NLGN4Y: variants seen among roughly 807,000 people sequenced by gnomAD.
The protein encoded by NLGN4Y is neuroligin-4, Y-linked.
In NLGN4Y, 4 loss-of-function variants were observed where a neutral mutation model predicts 8.4. The ratio of observed to expected loss-of-function variants is 0.48; its 90% CI spans 0.23 to 1.09. NLGN4Y has a LOEUF of 1.09. Ranked by LOEUF, NLGN4Y falls within the 50% of genes least tolerant of loss-of-function variation. NLGN4Y has a pLI of 0.19. For synonymous variants in NLGN4Y, 35 were observed against 75.6 expected (o/e 0.46, Z 2.78); for missense variants, 90 against 192.3 (o/e 0.47, Z 3.15).
intron 4 of NLGN4Y, among the ~76,000 whole-genome samples, chrY:14,752,795 AT>A (rs2081045445): frequency 6.0e-5 from 2 of 33,591 alleles, no homozygotes; most frequent in African/African-American, 2.3e-4. Context: ...AGTAAAAACA[AT>A]TTTGCTATTC....
chrY:14,815,372 A>C, intron 4 of NLGN4Y, among the ~76,000 whole-genome samples: 1 of 33,070 alleles, frequency 3.0e-5, no homozygotes, highest in Non-Finnish European at 7.4e-5. Context: ...CAAGGGGTCC[A>C]GGGATGAATG....
At chrY:14,635,967 A>G in intron 2 of NLGN4Y, among the ~76,000 whole-genome samples, 2 of 33,137 alleles carry the variant, frequency 6.0e-5, no homozygotes, top group Non-Finnish European at 1.5e-4. Flanking sequence ...TACAGAGTGT[A>G]AACACATGGT....
chrY:14,786,928 C>T (rs868227174), intron 4 of NLGN4Y, among the ~76,000 whole-genome samples: 10 of 31,718 alleles, frequency 3.2e-4, no homozygotes. Context: ...TCCTGCTCCT[C>T]CTCCTCTTCC....
chrY:14,836,137 C>T (rs2150599587), intron 6 of NLGN4Y, among the ~76,000 whole-genome samples: 1 of 33,157 alleles, frequency 3.0e-5, no homozygotes, highest in East Asian at 8.1e-4. Flanking sequence ...GGGATTCTCC[C>T]CTGTAGCAAG....
At chrY:14,527,157 C>T in intron 1 of NLGN4Y, among the ~76,000 whole-genome samples, 2 of 33,503 alleles carry the variant, frequency 6.0e-5, no homozygotes, top group Non-Finnish European at 1.5e-4. Flanking sequence ...AGTGCATGAC[C>T]GAATGACCTT....
chrY:14,643,556 G>A (rs956028862), intron 2 of NLGN4Y, among the ~76,000 whole-genome samples: 9 of 33,149 alleles, frequency 2.7e-4, no homozygotes, highest in African/African-American at 1.1e-3. Context: ...TCCTCCTGGG[G>A]CAATCCTGGA....
chrY:14,715,120 A>C (rs2150551946), intron 2 of NLGN4Y, among the ~76,000 whole-genome samples: 1 of 33,613 alleles, frequency 3.0e-5, no homozygotes, highest in South Asian at 6.8e-4. Context: ...AAAAACTCAG[A>C]AAACAACAGA....
chrY:14,699,208 T>C (rs892906360), intron 2 of NLGN4Y, among the ~76,000 whole-genome samples: 7 of 33,492 alleles, frequency 2.1e-4, no homozygotes, highest in Non-Finnish European at 4.5e-4. Flanking sequence ...CCCAGTATAG[T>C]ATCTAGGTAG....
intron 4 of NLGN4Y, among the ~76,000 whole-genome samples, chrY:14,750,392 T>C: frequency 3.1e-5 from 1 of 32,632 alleles, no homozygotes; most frequent in Non-Finnish European, 7.5e-5. Context: ...GTTAGGGTGG[T>C]CTCAAACTCC....
At chrY:14,594,173 C>T in intron 1 of NLGN4Y, among the ~76,000 whole-genome samples, 1 of 32,711 alleles carries the variant, frequency 3.1e-5, no homozygotes, top group African/African-American at 1.2e-4. Flanking sequence ...GTTAAACATA[C>T]CTGGGGCTCA....
At chrY:14,742,289 G>GT (rs2081008833) in intron 4 of NLGN4Y, among the ~76,000 whole-genome samples, 1 of 32,855 alleles carries the variant, frequency 3.0e-5, no homozygotes, top group South Asian at 6.9e-4. Flanking sequence ...ATCACCCAAT[G>GT]TTTTCTTTCA....
intron 1 of NLGN4Y, among the ~76,000 whole-genome samples, chrY:14,568,588 G>C (rs2080259868): frequency 3.0e-5 from 1 of 33,067 alleles, no homozygotes; most frequent in Non-Finnish European, 7.4e-5. Flanking sequence ...GCTTTATGAC[G>C]ATATGTGGGA....
chrY:14,791,030 A>G (rs2042984052), intron 4 of NLGN4Y, among the ~76,000 whole-genome samples: 1 of 33,803 alleles, frequency 3.0e-5, no homozygotes, highest in Admixed American at 2.7e-4. Flanking sequence ...ATATCTTTCA[A>G]CAGTTATGTT....
chrY:14,830,595 C>T, intron 6 of NLGN4Y, 76 bp downstream of exon 6: 2 of 307,026 alleles, frequency 6.5e-6, no homozygotes, highest in Non-Finnish European at 1.0e-5. Context: ...TTGCTTCTAC[C>T]GGCATGTGCA....
intron 1 of NLGN4Y, among the ~76,000 whole-genome samples, chrY:14,569,929 G>T: frequency 3.0e-5 from 1 of 33,757 alleles, no homozygotes; most frequent in Non-Finnish European, 7.4e-5. Flanking sequence ...CTTATATGTT[G>T]AGAAGTATAT....
chrY:14,759,567 C>T, intron 4 of NLGN4Y, among the ~76,000 whole-genome samples: 1 of 34,513 alleles, frequency 2.9e-5, no homozygotes. Flanking sequence ...CTCGGCCTCC[C>T]AAAGTGCTGG....
intron 4 of NLGN4Y, among the ~76,000 whole-genome samples, chrY:14,817,204 G>A (rs2043105454): frequency 3.0e-5 from 1 of 33,274 alleles, no homozygotes; most frequent in Non-Finnish European, 7.4e-5. Context: ...TTTCATGTAC[G>A]AAGGCTTAAG....
chrY:14,551,953 G>C (rs2080194658), intron 1 of NLGN4Y, among the ~76,000 whole-genome samples: 1 of 33,508 alleles, frequency 3.0e-5, no homozygotes, highest in South Asian at 6.5e-4. Flanking sequence ...GAAGGAAAGA[G>C]ATACAGAAAA....
chrY:14,599,487 G>GT (rs2080419447), intron 1 of NLGN4Y, among the ~76,000 whole-genome samples: 1 of 32,096 alleles, frequency 3.1e-5, no homozygotes, highest in East Asian at 8.0e-4. Flanking sequence ...ACCCGCTTGA[G>GT]TGTGGGTCTG....
Sources: gnomAD v4.1 joint callset for allele counts (sites outside exome capture counted in the v4.1 genomes callset) on GRCh38, gnomAD v4.1.1 for gene constraint, MANE v1.5 for transcripts, NCBI Gene and HGNC (gene_info 2026-07-23, HGNC 2026-07-21) for gene names.